ERMP1: variants seen among roughly 807,000 people sequenced by gnomAD.
The protein encoded by ERMP1 is Felix-ina.
ERMP1 carries 86 observed loss-of-function variants against 92.0 expected under a neutral mutation model. The ratio of observed to expected loss-of-function variants is 0.93; its 90% CI spans 0.79 to 1.12. The LOEUF is 1.12. Ranked by LOEUF, ERMP1 falls within the 50% of genes most tolerant of loss-of-function variation. The pLI, the probability that ERMP1 is intolerant of heterozygous loss-of-function variation, is 0.00. For synonymous variants in ERMP1, 530 were observed against 412.8 expected, an observed-to-expected ratio of 1.28 and a Z score of -3.44; for missense variants, 1,342 against 1,116.3, an observed-to-expected ratio of 1.20 and a Z score of -2.88.
In ERMP1 at chr9:5,833,017, C is replaced by T; in HGVS notation, c.11G>A (p.Gly4Asp). 4 of 1,540,634 alleles carry T rather than the reference C, an allele frequency of 2.6e-6. No individual in the cohort carries two copies. In the African/African-American group the frequency reaches 4.3e-5, roughly 16 times the overall value. ...CCGCCTCACAGCAGCCGACTCAGAACCCCACTCCATGGCCACGAGCCTCAG... is the reference window on the plus strand; with the variant it reads ...CCGCCTCACAGCAGCCGACTCAGAATCCCACTCCATGGCCACGAGCCTCAG... The part of the protein sequence containing the change: MEW[G>D]SESAAVRRHR... Residue 4 changes from glycine to aspartate, a missense_variant, in exon 1 of 15, where the codon GGT becomes GAT. Coordinates refer to ENST00000339450, the MANE Select transcript of ERMP1 (RefSeq NM_024896.3).
intron 11 of ERMP1, among the ~76,000 whole-genome samples, chr9:5,799,219 A>G (rs1408943645): frequency 6.6e-6 from 1 of 152,214 alleles, no homozygotes; most frequent in African/African-American, 2.4e-5. Flanking sequence ...TATCTTCCAA[A>G]TATATTTAGG....
chr9:5,852,289 C>T (rs1032135110), intron 6 of ERMP1, among the ~76,000 whole-genome samples: 11 of 150,110 alleles, frequency 7.3e-5, no homozygotes, highest in African/African-American at 2.5e-4. Flanking sequence ...TTCCAGACAG[C>T]GTCTCATTCT....
At chr9:5,831,504 AGG>A in intron 1 of ERMP1, among the ~76,000 whole-genome samples, 1 of 152,268 alleles carries the variant, frequency 6.6e-6, no homozygotes, top group East Asian at 1.9e-4. Flanking sequence ...GCTACTCAAG[AGG>A]CTGAGGTGGG....
chr9:5,866,113 A>G (rs1830651477), intron 5 of ERMP1, among the ~76,000 whole-genome samples: 1 of 152,182 alleles, frequency 6.6e-6, no homozygotes, highest in African/African-American at 2.4e-5. Context: ...ATAAAAGCAG[A>G]TTTTAAACAC....
At chr9:5,813,684 T>A (rs543722626) in intron 4 of ERMP1, among the ~76,000 whole-genome samples, 1 of 152,006 alleles carries the variant, frequency 6.6e-6, no homozygotes, top group Admixed American at 6.5e-5. Flanking sequence ...CAATCTGTAT[T>A]ATAATAATCA....
chr9:5,818,943 C>A (rs1829423891), intron 4 of ERMP1, among the ~76,000 whole-genome samples: 1 of 152,120 alleles, frequency 6.6e-6, no homozygotes, highest in South Asian at 2.1e-4. Context: ...TTTTGCTGAT[C>A]AAGTATTTTA....
At chr9:5,826,266 G>T (rs1261594014) in intron 2 of ERMP1, among the ~76,000 whole-genome samples, 2 of 152,180 alleles carry the variant, frequency 1.3e-5, no homozygotes, top group Non-Finnish European at 2.9e-5. Context: ...AAGCACTAAC[G>T]TAACTCAGGC....
Position 5,798,899 on chromosome 9 carries a change from A to C in ERMP1, c.2177T>G (p.Ile726Ser). 6.2e-7 allele frequency: 1 copy of C among 1,612,788 alleles called. No individual in the cohort carries two copies. The highest frequency in any genetic ancestry group is 1.7e-4 in the Middle Eastern group (1 of 6,060). The change falls in exon 12 of 15, where the codon ATT becomes AGT. Residue 726 changes from isoleucine (I) to serine (S), a missense_variant. Coordinates refer to ENST00000339450, the MANE Select transcript of ERMP1 (RefSeq NM_024896.3). ...YTGISHITPH[I>S]PEINDSIRAH... ...TCGGATACTATCATTGATCTCAGGAATGTGAGGGGTTATGTGAGAAATTCC... is the reference window on the plus strand; with the variant it reads ...TCGGATACTATCATTGATCTCAGGACTGTGAGGGGTTATGTGAGAAATTCC...
chr9:5,836,239 A>G (rs1586832612), upstream of ERMP1, among the ~76,000 whole-genome samples: 1 of 152,344 alleles, frequency 6.6e-6, no homozygotes, highest in East Asian at 1.9e-4. Context: ...AGGTCATTCC[A>G]TAGCCAATTT....
intron 4 of ERMP1, among the ~76,000 whole-genome samples, chr9:5,821,374 CATT>C (rs1353857917): frequency 6.6e-6 from 1 of 152,166 alleles, no homozygotes. Context: ...CAGCTAGGAG[CATT>C]ATTAACAGTT....
chr9:5,790,743 A>G (rs1268950428), intron 13 of ERMP1, among the ~76,000 whole-genome samples: 4 of 152,266 alleles, frequency 2.6e-5, no homozygotes, highest in Non-Finnish European at 4.4e-5. Flanking sequence ...TATGCATCAG[A>G]TAACATAGCA....
chr9:5,822,579 G>C (rs1290949992), intron 4 of ERMP1, among the ~76,000 whole-genome samples: 2 of 152,252 alleles, frequency 1.3e-5, no homozygotes, highest in East Asian at 1.9e-4. Flanking sequence ...TCTTAAGAGG[G>C]TGCTACAAAA....
At chr9:5,820,613 C>G (rs972331561) in intron 4 of ERMP1, among the ~76,000 whole-genome samples, 1 of 152,150 alleles carries the variant, frequency 6.6e-6, no homozygotes. Context: ...AATGATTATT[C>G]TAGTCACTAA....
intron 4 of ERMP1, among the ~76,000 whole-genome samples, chr9:5,823,428 A>G (rs894553816): frequency 3.9e-5 from 6 of 152,220 alleles, no homozygotes; most frequent in African/African-American, 1.4e-4. Flanking sequence ...ACATTTAACA[A>G]TATTTATATC....
chr9:5,813,625 T>G (rs1467834993), intron 4 of ERMP1, among the ~76,000 whole-genome samples: 2 of 152,080 alleles, frequency 1.3e-5, no homozygotes, highest in Non-Finnish European at 2.9e-5. Context: ...CTCAAAAAGT[T>G]GTGAATTGTG....
At chr9:5,832,635 T>C (rs1829993737) in intron 1 of ERMP1, 55 bp downstream of exon 1, 1 of 1,310,078 alleles carries the variant, frequency 7.6e-7, no homozygotes, top group Non-Finnish European at 9.8e-7. Context: ...CCCCGGAGCC[T>C]GCGCAGGAGC....
rs146931430 is a variant in ERMP1, at chr9:5,791,854, G to T, written c.2387-4261C>A. 2.6e-3 allele frequency among the ~76,000 whole-genome samples: 402 copies of T among 152,300 alleles called. 4 individuals carry two copies. Among genetic ancestry groups the T allele is most frequent in the African/African-American group, 9.3e-3 (385 of 41,554 alleles). On this transcript the variant is annotated intron_variant, in intron 13 of 14. Transcript: ENST00000339450. ...GATAAATGAAAACCCATTCATGTCT[G>T]CCTCCCTTTAATTCTAAAGGAAAAC...
chr9:5,834,936 T>G (rs1172752280), upstream of ERMP1, among the ~76,000 whole-genome samples: 2 of 137,472 alleles, frequency 1.5e-5, no homozygotes, highest in African/African-American at 5.5e-5. Flanking sequence ...GGGGCTTCAG[T>G]GAGGATTAGA....
intron 4 of ERMP1, among the ~76,000 whole-genome samples, chr9:5,815,607 A>T (rs937289761): frequency 6.6e-6 from 1 of 152,104 alleles, no homozygotes; most frequent in Non-Finnish European, 1.5e-5. Flanking sequence ...TTTGGTAAAC[A>T]TTGTAATAAA....
Sources: gnomAD v4.1 joint callset for allele counts (sites outside exome capture counted in the v4.1 genomes callset) on GRCh38, gnomAD v4.1.1 for gene constraint, MANE v1.5 for transcripts, NCBI Gene and HGNC (gene_info 2026-07-23, HGNC 2026-07-21) for gene names.